The following MID2 variants were observed in gnomAD, a reference collection of about 807,000 sequenced individuals.
MID2 encodes midline 2, also known as probable E3 ubiquitin-protein ligase MID2.
MID2 carries 13 observed loss-of-function variants against 46.1 expected under a neutral mutation model. That is an observed-to-expected ratio of 0.28 (90% CI 0.18 to 0.45). MID2 has a LOEUF of 0.45. Ranked by LOEUF, MID2 falls within the 20% of genes least tolerant of loss-of-function variation. The pLI, the probability that MID2 is intolerant of heterozygous loss-of-function variation, is 1.00. For missense variants in MID2, 431 were observed against 575.4 expected (o/e 0.75, Z 2.57); for synonymous variants, 199 against 212.3 (o/e 0.94, Z 0.55).
At chrX:107,862,784 T>C (rs111986573) in intron 3 of MID2, among the ~76,000 whole-genome samples, 5,663 of 112,056 alleles carry the variant, frequency 0.051, 377 homozygotes, top group African/African-American at 0.17. Flanking sequence ...AAATGTTTAT[T>C]AGCAAAAATG....
intron 3 of MID2, among the ~76,000 whole-genome samples, chrX:107,889,359 T>C (rs183518970): frequency 9.8e-5 from 11 of 111,687 alleles, no homozygotes; most frequent in Non-Finnish European, 1.7e-4. Context: ...GTAAAGGCTT[T>C]TATTTCTCCT....
intron 4 of MID2, among the ~76,000 whole-genome samples, chrX:107,904,489 G>T (rs753018191): frequency 1.8e-5 from 2 of 111,378 alleles, no homozygotes; most frequent in African/African-American, 6.5e-5. Context: ...GGAGAAAGAC[G>T]GATTGATATG....
chrX:107,847,270 G>A (rs991282431), intron 2 of MID2, among the ~76,000 whole-genome samples: 10 of 111,951 alleles, frequency 8.9e-5, no homozygotes, highest in Non-Finnish European at 1.3e-4. Context: ...GTCCTAAAGG[G>A]ACTTTGAACT....
intron 3 of MID2, among the ~76,000 whole-genome samples, chrX:107,867,308 G>A (rs942333558): frequency 8.7e-5 from 9 of 103,848 alleles, no homozygotes; most frequent in Non-Finnish European, 1.2e-4. Flanking sequence ...GTGCCGCCAC[G>A]CCCAGCTAAT....
intron 3 of MID2, among the ~76,000 whole-genome samples, chrX:107,879,028 G>A (rs954272063): frequency 1.8e-5 from 2 of 111,237 alleles, no homozygotes; most frequent in African/African-American, 6.5e-5. Flanking sequence ...GTGCAGGTGA[G>A]CAGGTGCAGG....
At chrX:107,915,282 T>G (rs748611655) in intron 5 of MID2, among the ~76,000 whole-genome samples, 1 of 112,057 alleles carries the variant, frequency 8.9e-6, no homozygotes, top group East Asian at 2.8e-4. Flanking sequence ...ATAGGTCAGG[T>G]GCGGTGGCTA....
intron 6 of MID2, 126 bp downstream of exon 6, chrX:107,916,255 G>A (rs771806521): frequency 9.6e-6 from 5 of 519,544 alleles, no homozygotes; most frequent in African/African-American, 5.0e-5. Flanking sequence ...AATGATGCAT[G>A]TGTCTTTTCA....
intron 7 of MID2, among the ~76,000 whole-genome samples, chrX:107,923,403 T>C (rs1266976711): frequency 1.8e-5 from 2 of 112,008 alleles, no homozygotes; most frequent in African/African-American, 3.2e-5. Context: ...ATTATTTACA[T>C]TTCCCCTGTT....
chrX:107,864,385 A>G lies in MID2; in HGVS notation c.816+9681A>G, dbSNP rs1602471872. On this transcript the variant is annotated intron_variant, in intron 3 of 9. Transcript: ENST00000262843. ...AGAGGGAGTTGCCTAGAGTTGGCAG[A>G]AGGAAGCAATAATACCCACAATTAG... Among the ~76,000 whole-genome samples the G allele has an allele frequency of 2.7e-5, 3 of 111,568 alleles. 1 individual carries two copies. The Admixed American group carries it at 2.9e-4, about 11-fold the overall frequency.
At chrX:107,881,251 T>C (rs148328934) in intron 3 of MID2, among the ~76,000 whole-genome samples, 1 of 112,691 alleles carries the variant, frequency 8.9e-6, no homozygotes, top group East Asian at 2.8e-4. Context: ...GGGTTAGGGT[T>C]AGGTCTGACA....
chrX:107,857,887 G>A (rs1315617201), intron 3 of MID2, among the ~76,000 whole-genome samples: 2 of 111,947 alleles, frequency 1.8e-5, no homozygotes, highest in African/African-American at 6.5e-5. Flanking sequence ...TTCGGCGGGG[G>A]CGGAGGATAC....
intron 3 of MID2, among the ~76,000 whole-genome samples, chrX:107,856,452 C>A (rs753432525): frequency 1.8e-5 from 2 of 112,291 alleles, no homozygotes; most frequent in Non-Finnish European, 3.8e-5. Flanking sequence ...ATCAAAAAGA[C>A]TATTAAGTAC....
In MID2 at chrX:107,826,306, G is replaced by C; in HGVS notation, c.-121G>C. 1.2e-6 allele frequency: 1 copy of C among 833,273 alleles called. No individual in the cohort carries two copies. The highest frequency in any genetic ancestry group is 1.6e-6 in the Non-Finnish European group (1 of 632,258). The allele number at this position is 833,273 out of a possible 1,213,427, so 68.7% of individuals were successfully genotyped here. On this transcript the variant is annotated 5_prime_UTR_variant, in exon 1 of 10. Transcript: ENST00000262843. Reference sequence around the variant, plus strand: ...CGGGCGGCGGCCTACAGTGGTAGCGGCGGCGGCGGCGACCGGGGCCCGGGA... The same window carrying C: ...CGGGCGGCGGCCTACAGTGGTAGCGCCGGCGGCGGCGACCGGGGCCCGGGA...
intron 3 of MID2, among the ~76,000 whole-genome samples, chrX:107,865,840 A>G (rs1931944708): frequency 8.9e-6 from 1 of 112,694 alleles, no homozygotes; most frequent in South Asian, 3.6e-4. Flanking sequence ...GCATAGAACA[A>G]CATAGTTCCA....
In MID2 at chrX:107,917,572, G is replaced by A. The variant is rs1190201202; in HGVS notation, c.1268G>A (p.Trp423Ter). The A allele has an allele frequency of 8.3e-7, 1 of 1,211,273 alleles. No individual in the cohort carries two copies. The highest frequency in any genetic ancestry group is 1.7e-5 in the African/African-American group (1 of 57,652). Residue 423 changes from tryptophan (W) to a stop codon, truncating the protein, a stop_gained, in exon 7 of 10, where the codon TGG becomes TAG. Transcript: ENST00000262843. LOFTEE classifies it high-confidence loss of function. ...TCCCATGACACCATTACAGTCCACT[G>A]GATCTCGGATGATGAGTTCAGCATC... ...TASHDTITVH[W>*]ISDDEFSISS...
chrX:107,861,214 C>G (rs766515087), intron 3 of MID2, among the ~76,000 whole-genome samples: 5 of 111,978 alleles, frequency 4.5e-5, no homozygotes, highest in African/African-American at 1.6e-4. Flanking sequence ...TTTGATGAGT[C>G]AATTGGAGCA....
At chrX:107,849,391 T>C (rs1442898464) in intron 2 of MID2, among the ~76,000 whole-genome samples, 1 of 110,504 alleles carries the variant, frequency 9.0e-6, no homozygotes, top group Non-Finnish European at 1.9e-5. Context: ...CTCGCTTTAA[T>C]AAAGAGGTGG....
intron 3 of MID2, among the ~76,000 whole-genome samples, chrX:107,877,663 G>A (rs1286545705): frequency 1.8e-5 from 2 of 111,660 alleles, no homozygotes; most frequent in South Asian, 7.6e-4. Context: ...CTTTACTGCC[G>A]GCAACCTTTG....
intron 5 of MID2, among the ~76,000 whole-genome samples, chrX:107,910,541 A>G (rs912496104): frequency 9.2e-6 from 1 of 108,856 alleles, no homozygotes; most frequent in Non-Finnish European, 1.9e-5. Context: ...TGGATCCTAC[A>G]GTAGTTCTAT....
Sources: gnomAD v4.1 joint callset for allele counts (sites outside exome capture counted in the v4.1 genomes callset) on GRCh38, gnomAD v4.1.1 for gene constraint, MANE v1.5 for transcripts, NCBI Gene and HGNC (gene_info 2026-07-23, HGNC 2026-07-21) for gene names.